Variants in OSBPL3 observed in about 807,000 individuals in gnomAD.
OSBPL3 encodes oxysterol-binding protein-related protein 3.
In OSBPL3, 65 loss-of-function variants were observed where a neutral mutation model predicts 120.1. The ratio of observed to expected loss-of-function variants is 0.54; its 90% CI spans 0.44 to 0.67. OSBPL3 has a LOEUF of 0.67. Ranked by LOEUF, OSBPL3 falls within the 30% of genes least tolerant of loss-of-function variation. The pLI, the probability that OSBPL3 is intolerant of heterozygous loss-of-function variation, is 0.00. For synonymous variants in OSBPL3, 416 were observed against 402.6 expected (o/e 1.03, Z -0.40); for missense variants, 1,004 against 1,082.1 (o/e 0.93, Z 1.01).
chr7:24,922,241 T>C lies in OSBPL3; in HGVS notation c.-149-29620A>G, dbSNP rs982050897. On this transcript the variant is annotated intron_variant, in intron 1 of 22. Coordinates refer to ENST00000313367, the MANE Select transcript of OSBPL3 (RefSeq NM_015550.4). This position sits in a 1 kb window ranked among gnomAD's most constrained non-coding sequence, Gnocchi z 4.3. ...AATACAAACTACAAGCACTGTACTA[T>C]CTGGACTGTGTTACAAAAAGTCCTA... 1.3e-5 allele frequency among the ~76,000 whole-genome samples: 2 copies of C among 152,194 alleles called. No homozygotes were observed. The highest frequency in any genetic ancestry group is 4.8e-5 in the African/African-American group (2 of 41,450).
At position 24,863,331 on chromosome 7, in the gene OSBPL3, G is replaced by A. The variant is rs749310242; in HGVS notation, c.778-39C>T. On this transcript the variant is annotated intron_variant, in intron 8 of 22. Coordinates refer to ENST00000313367, the MANE Select transcript of OSBPL3 (RefSeq NM_015550.4). The surrounding 1 kb of genome is among the most constrained non-coding windows in gnomAD (Gnocchi z 5.8). ...CAGGAAAGAGAGCACAGACAGTAAA[G>A]TCCACCAAACCGACAAGGATAAATG... The A allele has an allele frequency of 3.2e-6, 5 of 1,565,064 alleles. No individual in the cohort carries two copies. The highest frequency in any genetic ancestry group is 4.4e-6 in the Non-Finnish European group (5 of 1,135,274).
chr7:24,861,539 T>C (rs1800535885), intron 10 of OSBPL3, 74 bp downstream of exon 10: 2 of 995,504 alleles, frequency 2.0e-6, no homozygotes, highest in Non-Finnish European at 3.0e-6. Flanking sequence ...ATACTCTCTC[T>C]AAGGACATCT....
chr7:24,870,277 A>T (rs1171485787), intron 5 of OSBPL3, among the ~76,000 whole-genome samples: 1 of 152,194 alleles, frequency 6.6e-6, no homozygotes, highest in African/African-American at 2.4e-5. Flanking sequence ...CTTCAGGGGA[A>T]AAATTCCTGA....
chr7:24,811,945 G>T (rs1284258261), intron 19 of OSBPL3, among the ~76,000 whole-genome samples: 3 of 152,150 alleles, frequency 2.0e-5, no homozygotes, highest in Admixed American at 2.0e-4. Flanking sequence ...TCTGCAGTTT[G>T]TAACTCAACT....
intron 1 of OSBPL3, among the ~76,000 whole-genome samples, chr7:24,931,187 G>A (rs1811747739): frequency 6.6e-6 from 1 of 152,172 alleles, no homozygotes; most frequent in South Asian, 2.1e-4. Context: ...TAACAAAAAT[G>A]TTTGTGAGCA....
chr7:24,928,386 T>C (rs1342495559), intron 1 of OSBPL3, among the ~76,000 whole-genome samples: 1 of 151,928 alleles, frequency 6.6e-6, no homozygotes, highest in Non-Finnish European at 1.5e-5. Flanking sequence ...AGAGACGGGG[T>C]TTCACCGTGT....
chr7:24,917,405 T>TATATATATATATATATATATATTTGTAAC (rs1160675151), intron 1 of OSBPL3, among the ~76,000 whole-genome samples: 2 of 90,250 alleles, frequency 2.2e-5, no homozygotes, highest in Non-Finnish European at 4.2e-5. Flanking sequence ...TTGTAACATA[T>TATATATATATATATATATATATTTGTAAC]ATATATATAT....
chr7:24,967,538 T>A lies in OSBPL3; in HGVS notation c.-150+12348A>T, dbSNP rs571204064. Among the ~76,000 whole-genome samples the A allele has an allele frequency of 1.7e-3, 260 of 152,316 alleles. No homozygotes were observed. Among genetic ancestry groups the A allele is most frequent in the African/African-American group, 5.9e-3 (247 of 41,568 alleles). The stretch of plus-strand genomic sequence containing the variant: ...TGGAAAAAGTACCCACCCCAGAGAA[T>A]GATTGTGAGAATTAAATCAGGTGAT... On this transcript the variant is annotated intron_variant, in intron 1 of 22. Transcript: ENST00000313367. This position sits in a 1 kb window ranked among gnomAD's most constrained non-coding sequence, Gnocchi z 5.6.
chr7:24,859,315 A>G (rs1800213985), intron 10 of OSBPL3, among the ~76,000 whole-genome samples: 1 of 152,138 alleles, frequency 6.6e-6, no homozygotes, highest in African/African-American at 2.4e-5. Context: ...AAAATTTTAA[A>G]TCCATTTTCT....
chr7:24,951,343 C>T (rs921276396), intron 1 of OSBPL3, among the ~76,000 whole-genome samples: 4 of 152,064 alleles, frequency 2.6e-5, no homozygotes, highest in Non-Finnish European at 5.9e-5. Context: ...ATCAAAATCA[C>T]TTTTTCAATT....
intron 16 of OSBPL3, among the ~76,000 whole-genome samples, chr7:24,826,088 T>C (rs1299436752): frequency 1.3e-5 from 2 of 152,228 alleles, no homozygotes. Context: ...GACCCATCTA[T>C]TCCCTTGATG....
At chr7:24,949,522 T>C (rs1428583160) in intron 1 of OSBPL3, among the ~76,000 whole-genome samples, 1 of 152,188 alleles carries the variant, frequency 6.6e-6, no homozygotes, top group African/African-American at 2.4e-5. Context: ...TGGCAGCAGA[T>C]CCTCTTGATG....
chr7:24,880,833 G>A (rs540062170), intron 2 of OSBPL3, among the ~76,000 whole-genome samples: 1 of 152,244 alleles, frequency 6.6e-6, no homozygotes, highest in East Asian at 1.9e-4. Context: ...AATGGGACTG[G>A]GGCCTGAGGT....
rs1311589192 is a variant in OSBPL3, at chr7:24,798,468, A to ATT, written c.*1714_*1715insAA. On this transcript the variant is annotated 3_prime_UTR_variant, in exon 23 of 23. Coordinates refer to ENST00000313367, the MANE Select transcript of OSBPL3 (RefSeq NM_015550.4). This position sits in a 1 kb window ranked among gnomAD's most constrained non-coding sequence, Gnocchi z 4.6. The stretch of plus-strand genomic sequence containing the variant: ...GGAAAGAACAAAGCATACACCAAAG[A>ATT]ATCTGACTGTGTCATTCAACTGCTT... The ATT allele has an allele frequency of 6.6e-6, 1 of 152,256 alleles. No individual in the cohort carries two copies. The highest frequency in any genetic ancestry group is 1.5e-5 in the Non-Finnish European group (1 of 68,046). The allele number at this position is 152,256 out of a possible 1,614,324, so 9.4% of individuals were successfully genotyped here. A position where few individuals can be genotyped will look rare whatever the true frequency, so the allele number is the denominator to read the frequency against.
chr7:24,970,071 G>A (rs1192606674), intron 1 of OSBPL3, among the ~76,000 whole-genome samples: 1 of 149,186 alleles, frequency 6.7e-6, no homozygotes, highest in African/African-American at 2.5e-5. Context: ...CTTCTGCCTA[G>A]AATGTCCTTC....
chr7:24,834,253 C>G lies in OSBPL3; in HGVS notation c.1746+233G>C. 7.5e-7 allele frequency: 1 copy of G among 1,338,462 alleles called. No homozygotes were observed. The highest frequency in any genetic ancestry group is 3.2e-5 in the East Asian group (1 of 31,662). 82.9% of individuals were successfully genotyped at this position (1,338,462 alleles called of 1,614,324 possible). ...GCACAAACCCACAGAACAGAACTAC[C>G]CCAGGCACCAAGTGCCACGGAGAAG... On this transcript the variant is annotated intron_variant, in intron 15 of 22. Coordinates refer to ENST00000313367, the MANE Select transcript of OSBPL3 (RefSeq NM_015550.4). This position sits in a 1 kb window ranked among gnomAD's most constrained non-coding sequence, Gnocchi z 5.2.
Position 24,830,617 on chromosome 7 carries a change from G to A in OSBPL3, c.1884+151C>T. On this transcript the variant is annotated intron_variant, in intron 16 of 22. Transcript: ENST00000313367. This position sits in a 1 kb window ranked among gnomAD's most constrained non-coding sequence, Gnocchi z 4.4. Reference sequence around the variant, plus strand: ...GTGGTGGCTTGGCTTCAGTGGAAGGGAAATCGATCCCTCCCTTTATGTTGA... The same window carrying A: ...GTGGTGGCTTGGCTTCAGTGGAAGGAAAATCGATCCCTCCCTTTATGTTGA... The A allele has an allele frequency of 2.5e-6, 2 of 789,976 alleles. No individual in the cohort carries two copies. The highest frequency in any genetic ancestry group is 2.0e-5 in the South Asian group (1 of 49,880). The allele number at this position is 789,976 out of a possible 1,614,324, so 48.9% of individuals were successfully genotyped here. A position where few individuals can be genotyped will look rare whatever the true frequency, so the allele number is the denominator to read the frequency against.
rs925990989 is a variant in OSBPL3 at position 24,967,985 on chromosome 7, T to A, written c.-150+11901A>T. On this transcript the variant is annotated intron_variant, in intron 1 of 22. Transcript: ENST00000313367. The surrounding 1 kb of genome is among the most constrained non-coding windows in gnomAD (Gnocchi z 5.6). Reference sequence around the variant, plus strand: ...GTCAATGGCACCATAAATAACACAGTCACATACGCCTGAAACTCTGCAGTT... The same window carrying A: ...GTCAATGGCACCATAAATAACACAGACACATACGCCTGAAACTCTGCAGTT... 1.3e-5 allele frequency among the ~76,000 whole-genome samples: 2 copies of A among 152,214 alleles called. No individual in the cohort carries two copies. The highest frequency in any genetic ancestry group is 4.1e-4 in the South Asian group (2 of 4,834).
rs1325265376 is a variant in OSBPL3 at position 24,842,544 on chromosome 7, C to T, written c.1267-131G>A. Reference sequence around the variant, plus strand: ...ATAAGCAACTCAAAGCAGAAGTCAGCTCCAACACTGAGATGCGAGCCTCAT... The same window carrying T: ...ATAAGCAACTCAAAGCAGAAGTCAGTTCCAACACTGAGATGCGAGCCTCAT... On this transcript the variant is annotated intron_variant, in intron 12 of 22. Coordinates refer to ENST00000313367, the MANE Select transcript of OSBPL3 (RefSeq NM_015550.4). 3.3e-5 allele frequency: 23 copies of T among 697,652 alleles called. 1 individual carries two copies. The highest frequency in any genetic ancestry group is 5.5e-5 in the Non-Finnish European group (23 of 418,508). 43.2% of individuals were successfully genotyped at this position (697,652 alleles called of 1,614,324 possible). A position where few individuals can be genotyped will look rare whatever the true frequency, so the allele number is the denominator to read the frequency against.
Sources: gnomAD v4.1 joint callset for allele counts (sites outside exome capture counted in the v4.1 genomes callset) on GRCh38, gnomAD v4.1.1 for gene constraint, Gnocchi (gnomAD v3.1) non-coding constraint, MANE v1.5 for transcripts, NCBI Gene and HGNC (gene_info 2026-07-23, HGNC 2026-07-21) for gene names.